The following LRRC20 variants were observed in gnomAD, a reference collection of about 807,000 sequenced individuals.
The protein encoded by LRRC20 is leucine-rich repeat-containing protein 20.
Under a neutral mutation model 14.4 loss-of-function variants are expected in LRRC20, and 11 were observed. The ratio of observed to expected loss-of-function variants is 0.77; its 90% CI spans 0.48 to 1.27. The LOEUF is 1.27. Ranked by LOEUF, LRRC20 falls within the 50% of genes most tolerant of loss-of-function variation. The pLI is 0.00. For synonymous variants in LRRC20, 121 were observed against 107.3 expected, an observed-to-expected ratio of 1.13 and a Z score of -0.79; for missense variants, 219 against 251.2, an observed-to-expected ratio of 0.87 and a Z score of 0.87.
At chr10:70,369,627 A>G (rs1158877340) in intron 2 of LRRC20, among the ~76,000 whole-genome samples, 2 of 151,230 alleles carry the variant, frequency 1.3e-5, no homozygotes, top group African/African-American at 4.8e-5. Flanking sequence ...AAAAAAAAAA[A>G]AAAAAACCAT....
chr10:70,302,025 T>C (rs10999251), intron 4 of LRRC20, among the ~76,000 whole-genome samples: 50,538 of 151,880 alleles, frequency 0.33, 8,718 homozygotes, highest in East Asian at 0.55. Context: ...TTGAAAACAT[T>C]GTGCTAGGCC....
chr10:70,317,553 T>A (rs7084279), intron 4 of LRRC20, among the ~76,000 whole-genome samples: 9,343 of 152,060 alleles, frequency 0.061, 937 homozygotes, highest in African/African-American at 0.21. Context: ...TTTTTAAAAA[T>A]TTTTTGTAGA....
intron 2 of LRRC20, among the ~76,000 whole-genome samples, chr10:70,343,203 A>C (rs919133715): frequency 6.6e-6 from 1 of 151,954 alleles, no homozygotes; most frequent in Non-Finnish European, 1.5e-5. Context: ...TGCGAACAAG[A>C]CCTCTTCACC....
At chr10:70,356,783 G>A (rs1423040114) in intron 2 of LRRC20, among the ~76,000 whole-genome samples, 3 of 143,534 alleles carry the variant, frequency 2.1e-5, no homozygotes, top group Admixed American at 6.9e-5. Flanking sequence ...CCCAGGAGGC[G>A]GAGGTTGCAG....
chr10:70,339,053 T>G (rs1271070318), intron 3 of LRRC20, among the ~76,000 whole-genome samples: 1 of 152,164 alleles, frequency 6.6e-6, no homozygotes, highest in African/African-American at 2.4e-5. Flanking sequence ...TTTAACCATT[T>G]GAGGAACTGC....
intron 2 of LRRC20, among the ~76,000 whole-genome samples, chr10:70,344,270 A>C (rs954552738): frequency 6.6e-6 from 1 of 152,218 alleles, no homozygotes; most frequent in Non-Finnish European, 1.5e-5. Flanking sequence ...ATTAAATAGA[A>C]AGCACAGACA....
chr10:70,328,917 C>T (rs967634165), intron 3 of LRRC20, among the ~76,000 whole-genome samples: 6 of 152,174 alleles, frequency 3.9e-5, no homozygotes, highest in Non-Finnish European at 5.9e-5. Flanking sequence ...GAGCGAGACT[C>T]TCTTAGAGAT....
At chr10:70,321,038 G>A (rs1010295301) in intron 4 of LRRC20, among the ~76,000 whole-genome samples, 2 of 152,178 alleles carry the variant, frequency 1.3e-5, no homozygotes, top group African/African-American at 4.8e-5. Context: ...CCTTTAGGGT[G>A]GCTGTCCTTC....
intron 4 of LRRC20, among the ~76,000 whole-genome samples, chr10:70,302,717 T>C (rs1589929207): frequency 1.3e-5 from 2 of 151,570 alleles, no homozygotes; most frequent in African/African-American, 4.8e-5. Flanking sequence ...CTATTTCTTT[T>C]TTTTTTTTTT....
chr10:70,324,740 G>A (rs190207791), intron 3 of LRRC20, among the ~76,000 whole-genome samples: 2 of 152,318 alleles, frequency 1.3e-5, no homozygotes, highest in South Asian at 2.1e-4. Context: ...GCCCTGTGCA[G>A]GGAGGAGAGC....
intron 3 of LRRC20, among the ~76,000 whole-genome samples, chr10:70,326,916 C>T (rs1842349958): frequency 6.6e-6 from 1 of 152,232 alleles, no homozygotes; most frequent in Non-Finnish European, 1.5e-5. Context: ...GCCTCAGCCT[C>T]CCAAAGTGCT....
intron 3 of LRRC20, among the ~76,000 whole-genome samples, chr10:70,335,750 A>T (rs1842709477): frequency 6.6e-6 from 1 of 152,192 alleles, no homozygotes; most frequent in Non-Finnish European, 1.5e-5. Flanking sequence ...CCGCTCTGTA[A>T]CACTCAGTCT....
chr10:70,337,784 C>T (rs920869782), intron 3 of LRRC20, among the ~76,000 whole-genome samples: 1 of 152,186 alleles, frequency 6.6e-6, no homozygotes, highest in Non-Finnish European at 1.5e-5. Flanking sequence ...TGTCCTGCAA[C>T]CCTGGTCTCC....
intron 4 of LRRC20, among the ~76,000 whole-genome samples, chr10:70,302,454 G>C (rs1841233244): frequency 6.6e-6 from 1 of 152,234 alleles, no homozygotes; most frequent in Middle Eastern, 3.2e-3. Flanking sequence ...CAGGGGCTAG[G>C]AGAAGGGGAA....
At chr10:70,381,707 G>A (rs983788415) in intron 1 of LRRC20, 6 of 152,354 alleles carry the variant, frequency 3.9e-5, no homozygotes, top group Admixed American at 6.5e-5. Flanking sequence ...GCCAAGCCGG[G>A]GAGCGGGTGG....
intron 3 of LRRC20, among the ~76,000 whole-genome samples, chr10:70,330,961 G>A (rs867262573): frequency 2.8e-4 from 43 of 152,308 alleles, no homozygotes; most frequent in African/African-American, 9.6e-4. Flanking sequence ...CCGGGGACCC[G>A]GGGACCCTGA....
chr10:70,329,983 C>T (rs1343698094), intron 3 of LRRC20, among the ~76,000 whole-genome samples: 4 of 152,258 alleles, frequency 2.6e-5, no homozygotes, highest in African/African-American at 9.6e-5. Flanking sequence ...TATACATTGC[C>T]GAATTTGACT....
intron 4 of LRRC20, among the ~76,000 whole-genome samples, chr10:70,314,265 A>AC (rs996633610): frequency 1.3e-5 from 2 of 152,042 alleles, no homozygotes; most frequent in Admixed American, 6.6e-5. Flanking sequence ...TGATCTTGTG[A>AC]CCCCCAACCC....
chr10:70,302,928 T>C (rs1455418014), intron 4 of LRRC20, among the ~76,000 whole-genome samples: 7 of 151,900 alleles, frequency 4.6e-5, no homozygotes, highest in Non-Finnish European at 8.8e-5. Context: ...GCCAGGATGG[T>C]CTCGATCTCC....
Sources: allele counts gnomAD v4.1 joint callset (sites outside exome capture counted in the v4.1 genomes callset), GRCh38; gene constraint gnomAD v4.1.1; transcripts MANE v1.5; gene names NCBI Gene and HGNC (gene_info 2026-07-23, HGNC 2026-07-21).